FOXP2: variants seen among roughly 807,000 people sequenced by gnomAD.
FOXP2 encodes forkhead box protein P2.
Under a neutral mutation model 115.8 loss-of-function variants are expected in FOXP2, and 12 were observed. The ratio of observed to expected loss-of-function variants is 0.10; its 90% CI spans 0.07 to 0.17. FOXP2 has a LOEUF of 0.17. Among genes scored for constraint, FOXP2 ranks in the 10% least tolerant of loss-of-function variants. The pLI is 1.00. For missense variants in FOXP2, 629 were observed against 843.5 expected (o/e 0.75, Z 3.15); for synonymous variants, 328 against 297.7 (o/e 1.10, Z -1.05).
At chr7:114,421,070 G>C (rs950644925) in intron 1 of FOXP2, among the ~76,000 whole-genome samples, 1 of 151,214 alleles carries the variant, frequency 6.6e-6, no homozygotes, top group African/African-American at 2.4e-5. Context: ...ACTTCTGAAG[G>C]GGGCTTCTGA....
chr7:114,315,209 A>G (rs777913126), intron 2 of FOXP2, among the ~76,000 whole-genome samples: 28 of 152,178 alleles, frequency 1.8e-4, no homozygotes, highest in Non-Finnish European at 4.0e-4. Flanking sequence ...TTAATAGGCA[A>G]TGGAAGGAAA....
chr7:114,462,943 A>T (rs1183058212), intron 2 of FOXP2: 2 of 299,854 alleles, frequency 6.7e-6, no homozygotes, highest in Non-Finnish European at 1.3e-5. Flanking sequence ...ATAGCAAATG[A>T]TACAAGAATC....
intron 2 of FOXP2, among the ~76,000 whole-genome samples, chr7:114,307,277 C>G (rs1265010450): frequency 2.0e-5 from 3 of 152,088 alleles, no homozygotes; most frequent in Admixed American, 2.0e-4. Context: ...AGGATTAAGG[C>G]CACCTGTAAA....
In FOXP2 at chr7:114,505,664, G is replaced by T. The variant is rs188348870; in HGVS notation, c.169-28953G>T. Among the ~76,000 whole-genome samples, 613 of 151,450 alleles carry T rather than the reference G, an allele frequency of 4.0e-3. 5 individuals are homozygous for T. The highest frequency in any genetic ancestry group is 0.031 in the Middle Eastern group (9 of 294). On this transcript the variant is annotated intron_variant, in intron 2 of 16. Coordinates refer to ENST00000350908, the MANE Select transcript of FOXP2 (RefSeq NM_014491.4). ...ACCAACCTGTTACAACTTCTTTTGG[G>T]GGGGTCTTCATTTCTACCATTTTTA...
At chr7:114,341,198 A>G (rs983931095) in intron 2 of FOXP2, among the ~76,000 whole-genome samples, 8 of 151,288 alleles carry the variant, frequency 5.3e-5, no homozygotes, top group East Asian at 3.9e-4. Flanking sequence ...CAGAACTATC[A>G]TATATTTAGC....
chr7:114,512,861 A>G (rs895130223), intron 2 of FOXP2, among the ~76,000 whole-genome samples: 1 of 152,098 alleles, frequency 6.6e-6, no homozygotes, highest in Non-Finnish European at 1.5e-5. Context: ...AGGCAGGTTG[A>G]TCATGAGGTC....
At chr7:114,372,087 T>C (rs765864889) in intron 2 of FOXP2, among the ~76,000 whole-genome samples, 9 of 152,194 alleles carry the variant, frequency 5.9e-5, no homozygotes, top group Non-Finnish European at 8.8e-5. Flanking sequence ...AGATGAACTA[T>C]GAGAAACAAA....
At chr7:114,629,638 A>G in intron 4 of FOXP2, 167 bp from the exon 5 acceptor site, 1 of 1,590,774 alleles carries the variant, frequency 6.3e-7, no homozygotes, top group Non-Finnish European at 8.5e-7. Flanking sequence ...GCCTTGGAAA[A>G]AAATGTATGT....
At chr7:114,278,912 GCACTGCTCAGCA>G (rs1278227085) in intron 1 of FOXP2, among the ~76,000 whole-genome samples, 1 of 151,988 alleles carries the variant, frequency 6.6e-6, no homozygotes, top group African/African-American at 2.4e-5. Context: ...TTTTTTTAAA[GCACTGCTCAGCA>G]CACTGCCCAG....
intron 1 of FOXP2, among the ~76,000 whole-genome samples, chr7:114,108,385 C>T (rs1458093085): frequency 6.6e-6 from 1 of 151,856 alleles, no homozygotes; most frequent in African/African-American, 2.4e-5. Context: ...TTCCTAAAAG[C>T]AGCCATTATG....
At chr7:114,319,641 C>T (rs1056403147) in intron 2 of FOXP2, among the ~76,000 whole-genome samples, 10 of 152,126 alleles carry the variant, frequency 6.6e-5, no homozygotes, top group African/African-American at 1.7e-4. Context: ...GAAAGACCCA[C>T]CCCCATGAAT....
chr7:114,589,594 G>A (rs1802341614), intron 3 of FOXP2, among the ~76,000 whole-genome samples: 1 of 152,130 alleles, frequency 6.6e-6, no homozygotes, highest in Non-Finnish European at 1.5e-5. Context: ...TGTTTTCTTA[G>A]ACTAATAATG....
At chr7:114,176,186 CTTG>C (rs1793284604) in intron 1 of FOXP2, among the ~76,000 whole-genome samples, 1 of 102,518 alleles carries the variant, frequency 9.8e-6, no homozygotes, top group African/African-American at 5.0e-5. Context: ...CTTTTCTTGT[CTTG>C]TCTTGTCTTG....
chr7:114,463,221 G>T, intron 2 of FOXP2: 1 of 227,498 alleles, frequency 4.4e-6, no homozygotes, highest in African/African-American at 2.3e-5. Flanking sequence ...ATATCCACCT[G>T]TTAAATCAAT....
At chr7:114,498,941 T>A (rs766714967) in intron 2 of FOXP2, 1 of 717,824 alleles carries the variant, frequency 1.4e-6, no homozygotes, top group South Asian at 1.5e-5. Context: ...TATACTTAAC[T>A]GATGACCTAG....
chr7:114,617,802 A>G (rs62467894), intron 3 of FOXP2, among the ~76,000 whole-genome samples: 2,708 of 152,308 alleles, frequency 0.018, 33 homozygotes, highest in Non-Finnish European at 0.029. Context: ...AAAAAGGGAA[A>G]AGTAAAAACA....
chr7:114,117,112 A>G (rs1157956288), intron 1 of FOXP2, among the ~76,000 whole-genome samples: 1 of 152,086 alleles, frequency 6.6e-6, no homozygotes, highest in Non-Finnish European at 1.5e-5. Context: ...TTGATTTAGT[A>G]AATGTAGACT....
chr7:114,664,212 T>C, intron 15 of FOXP2, 61 bp from the exon 16 acceptor site: 2 of 1,549,408 alleles, frequency 1.3e-6, no homozygotes, highest in Non-Finnish European at 8.8e-7. Context: ...AAGATACATG[T>C]TTTAAAAATT....
intron 1 of FOXP2, among the ~76,000 whole-genome samples, chr7:114,280,783 G>A (rs1796316179): frequency 6.6e-6 from 1 of 152,130 alleles, no homozygotes; most frequent in Non-Finnish European, 1.5e-5. Context: ...ATTCAGACAA[G>A]TGTGTCACTT....
Sources: allele counts gnomAD v4.1 joint callset (sites outside exome capture counted in the v4.1 genomes callset), GRCh38; gene constraint gnomAD v4.1.1; transcripts MANE v1.5; gene names NCBI Gene and HGNC (gene_info 2026-07-23, HGNC 2026-07-21).